Variants in SCN1A observed in about 807,000 individuals in gnomAD.
SCN1A encodes the protein sodium voltage-gated channel alpha subunit 1, also known as sodium channel protein type 1 subunit alpha.
A neutral mutation model predicts 193.7 loss-of-function variants in SCN1A; 13 were observed. The observed-to-expected ratio is 0.07, with a 90% CI of 0.04 to 0.11. The LOEUF is 0.11. SCN1A is among the 10% of genes least tolerant of loss of function. SCN1A has a pLI of 1.00. For missense variants in SCN1A, 1,432 were observed against 2,451.1 expected (o/e 0.58, Z 8.78); for synonymous variants, 781 against 843.6 (o/e 0.93, Z 1.29).
intron 1 of SCN1A, among the ~76,000 whole-genome samples, chr2:166,139,885 G>C (rs1160448918): frequency 6.6e-6 from 1 of 152,134 alleles, no homozygotes; most frequent in Admixed American, 6.5e-5. Flanking sequence ...GTGGGGCACA[G>C]CCAAATCATA....
chr2:166,104,859 G>T (rs112100582), intron 2 of SCN1A, among the ~76,000 whole-genome samples: 4 of 152,352 alleles, frequency 2.6e-5, no homozygotes, highest in African/African-American at 9.6e-5. Flanking sequence ...GCTACTTTGT[G>T]TTGCCAGTAT....
chr2:166,038,228 T>G (rs1282318658), intron 17 of SCN1A, 96 bp from the exon 18 acceptor site: 6 of 980,310 alleles, frequency 6.1e-6, no homozygotes, highest in Admixed American at 2.6e-5. Flanking sequence ...TTCAATATCT[T>G]ACAATATCTG....
chr2:166,057,628 T>A (rs1244403437), intron 5 of SCN1A, among the ~76,000 whole-genome samples: 1 of 152,072 alleles, frequency 6.6e-6, no homozygotes, highest in Non-Finnish European at 1.5e-5. Flanking sequence ...CCCTATCATA[T>A]GATTTTTATG....
chr2:166,023,631 A>G (rs532177945), intron 19 of SCN1A, among the ~76,000 whole-genome samples: 1 of 152,204 alleles, frequency 6.6e-6, no homozygotes, highest in South Asian at 2.1e-4. Flanking sequence ...CAGGAGGAGA[A>G]AAGGATGAGG....
chr2:166,002,323 TG>T, intron 24 of SCN1A, 148 bp downstream of exon 24: 1 of 778,758 alleles, frequency 1.3e-6, no homozygotes, highest in Non-Finnish European at 2.0e-6. Flanking sequence ...TTCACCCATC[TG>T]GGCTCATAAA....
chr2:166,031,377 C>T (rs997453447), intron 19 of SCN1A, among the ~76,000 whole-genome samples: 12 of 152,080 alleles, frequency 7.9e-5, no homozygotes, highest in Admixed American at 1.3e-4. Flanking sequence ...TTTACGCCCC[C>T]GGAATTCCAA....
rs1381605789 is a variant in SCN1A at position 166,148,304 on chromosome 2, T to A, written c.-50+743A>T. Among the ~76,000 whole-genome samples, 3 of 152,206 alleles carry A rather than the reference T, an allele frequency of 2.0e-5. No homozygotes were observed. In the East Asian group the frequency reaches 5.8e-4, roughly 29 times the overall value. Reference sequence around the variant, plus strand: ...ACCCTGCTACCTCTCTAGGCTTTTCTGCAGCATTCAATAAAGAGCCTGCTA... The same window carrying A: ...ACCCTGCTACCTCTCTAGGCTTTTCAGCAGCATTCAATAAAGAGCCTGCTA... On this transcript the variant is annotated intron_variant, in intron 1 of 26. Transcript: ENST00000635750.
At chr2:166,053,615 T>C (rs1698832907) in intron 7 of SCN1A, among the ~76,000 whole-genome samples, 1 of 152,016 alleles carries the variant, frequency 6.6e-6, no homozygotes, top group Non-Finnish European at 1.5e-5. Context: ...AGAAGTCCTG[T>C]AGGCCTTCTT....
rs1559110682 is a variant in SCN1A at position 165,994,281 on chromosome 2, A to G, written c.4717T>C (p.Leu1573=). The G allele has an allele frequency of 1.2e-6, 2 of 1,613,134 alleles. No homozygotes were observed. The highest frequency in any genetic ancestry group is 2.7e-5 in the African/African-American group (2 of 74,862). Residue 1573 remains leucine, a synonymous_variant, in exon 28 of 29, where the codon TTG becomes CTG. Coordinates refer to ENST00000674923, the MANE Select transcript of SCN1A (RefSeq NM_001165963.4). ...ATGAACACCAGATTGATGCGTGACA[A>G]AATGGTAGTCACATATTCACTCTGG... ...DDQSEYVTTI[L]SRINLVFIVL... is the part of the protein sequence containing the mutation.
intron 3 of SCN1A, among the ~76,000 whole-genome samples, chr2:166,074,305 T>C (rs207462627): frequency 6.6e-6 from 1 of 152,158 alleles, no homozygotes; most frequent in South Asian, 2.1e-4. Context: ...GTTGGACAAA[T>C]GTCATTTATG....
Position 166,043,888 on chromosome 2 carries a change from C to T in SCN1A, c.1824G>A (p.Leu608=). Residue 608 remains leucine (L), a synonymous_variant, in exon 14 of 29, where the codon TTG becomes TTA. Transcript: ENST00000674923. Reference sequence around the variant, plus strand: ...TCTCTCCGTGTCGTCGGGGCACAAACAAGGAATCTCTACGGCTCTCGTTAT... The same window carrying T: ...TCTCTCCGTGTCGTCGGGGCACAAATAAGGAATCTCTACGGCTCTCGTTAT... ...FEDNESRRDS[L]FVPRRHGERR... 1 of 1,614,192 alleles carries T rather than the reference C, an allele frequency of 6.2e-7. No individual in the cohort carries two copies. Among genetic ancestry groups the T allele is most frequent in the Non-Finnish European group, 8.5e-7 (1 of 1,180,022 alleles).
intron 10 of SCN1A, 54 bp downstream of exon 10, chr2:166,048,826 GATACAC>G: frequency 1.9e-6 from 2 of 1,062,972 alleles, no homozygotes; most frequent in Non-Finnish European, 2.9e-6. Context: ...AGAGAGAAAA[GATACAC>G]ATATGTATGT....
intron 1 of SCN1A, among the ~76,000 whole-genome samples, chr2:166,140,208 G>T (rs531282143): frequency 5.1e-4 from 77 of 152,110 alleles, no homozygotes; most frequent in South Asian, 2.5e-3. Flanking sequence ...CTTACCATAA[G>T]GCCATACTAA....
At chr2:166,014,780 AAGAT>A (rs1037736883) in intron 20 of SCN1A, among the ~76,000 whole-genome samples, 11 of 151,692 alleles carry the variant, frequency 7.3e-5, no homozygotes, top group African/African-American at 1.7e-4. Flanking sequence ...GAAGAGAAAA[AAGAT>A]AGAAAAGTAA....
chr2:166,085,399 A>C (rs1441393600), intron 2 of SCN1A, among the ~76,000 whole-genome samples: 1 of 152,222 alleles, frequency 6.6e-6, no homozygotes, highest in Non-Finnish European at 1.5e-5. Flanking sequence ...GGTGTTATGC[A>C]GGAAATATCC....
rs758952113 is a variant in SCN1A, at chr2:166,046,779, C to G, written c.1368G>C (p.Glu456Asp). The G allele has an allele frequency of 1.2e-6, 2 of 1,613,534 alleles. No homozygotes were observed. The highest frequency in any genetic ancestry group is 2.2e-5 in the East Asian group (1 of 44,868). ...QMIEQLKKQQ[E>D]AAQQAATATA... is the part of the protein sequence containing the mutation. ...GACAGGGCAGCTTTACCTGAGCTGCCTCCTGTTGCTTTTTAAGCTGTTCAA... is the reference window on the plus strand; with the variant it reads ...GACAGGGCAGCTTTACCTGAGCTGCGTCCTGTTGCTTTTTAAGCTGTTCAA... Residue 456 changes from glutamate (E) to aspartate (D), a missense_variant, in exon 12 of 29, where the codon GAG becomes GAC. Glu to Asp is a conservative substitution (Grantham distance 45, BLOSUM62 2). Coordinates refer to ENST00000674923, the MANE Select transcript of SCN1A (RefSeq NM_001165963.4).
At position 166,045,039 on chromosome 2, in the gene SCN1A, A is replaced by G; in HGVS notation, c.1662+4T>C. Reference sequence around the variant, plus strand: ...ATGCATCAGTAAACTCAGCAGTGCCATACCTGGTGTGGGGAGGAGTACCTC... The same window carrying G: ...ATGCATCAGTAAACTCAGCAGTGCCGTACCTGGTGTGGGGAGGAGTACCTC... On this transcript the variant is annotated splice_donor_region_variant and intron_variant, in intron 13 of 28. Coordinates refer to ENST00000674923, the MANE Select transcript of SCN1A (RefSeq NM_001165963.4). The G allele has an allele frequency of 6.2e-7, 1 of 1,614,146 alleles. No homozygotes were observed. The highest frequency in any genetic ancestry group is 8.5e-7 in the Non-Finnish European group (1 of 1,179,998).
chr2:166,065,435 A>AT lies in SCN1A; in HGVS notation c.265-6748dup, dbSNP rs1024685878. Among the ~76,000 whole-genome samples, 6 of 151,946 alleles carry AT rather than the reference A, an allele frequency of 3.9e-5. No homozygotes were observed. In the South Asian group the frequency reaches 6.2e-4, roughly 16 times the overall value. ...TGCTGGGTCAATTCCATGGTATATA[A>AT]TATTTTTTCCCCAAGGACTTTAAAT... is the stretch of plus-strand genomic sequence containing the variant. On this transcript the variant is annotated intron_variant, in intron 4 of 28. Coordinates refer to ENST00000674923, the MANE Select transcript of SCN1A (RefSeq NM_001165963.4).
intron 2 of SCN1A, chr2:166,123,505 G>A (rs517160): frequency 6.6e-6 from 1 of 152,070 alleles, no homozygotes; most frequent in South Asian, 2.1e-4. Context: ...TTAGACAAGA[G>A]CAGTAGTGAG....
Sources: allele counts gnomAD v4.1 joint callset (sites outside exome capture counted in the v4.1 genomes callset), GRCh38; gene constraint gnomAD v4.1.1; transcripts MANE v1.5; gene names NCBI Gene and HGNC (gene_info 2026-07-23, HGNC 2026-07-21).